The following NRCAM variants were observed in gnomAD, a reference collection of about 807,000 sequenced individuals.
NRCAM encodes NgCAM-related cell adhesion molecule.
NRCAM carries 83 observed loss-of-function variants against 156.5 expected under a neutral mutation model. The observed-to-expected ratio is 0.53, with a 90% CI of 0.44 to 0.64. The LOEUF (loss-of-function observed/expected upper bound fraction) is 0.64. Among genes scored for constraint, NRCAM ranks in the 30% least tolerant of loss-of-function variants. NRCAM has a pLI of 0.00. For synonymous variants in NRCAM, 538 were observed against 563.9 expected (o/e 0.95, Z 0.65); for missense variants, 1,417 against 1,597.3 (o/e 0.89, Z 1.92).
At chr7:108,206,981 G>A (rs2081499273) in intron 13 of NRCAM, among the ~76,000 whole-genome samples, 1 of 152,148 alleles carries the variant, frequency 6.6e-6, no homozygotes, top group Non-Finnish European at 1.5e-5. Flanking sequence ...AAAGCATCCT[G>A]CATACGATCA....
At chr7:108,441,738 G>A (rs1660044129) in intron 1 of NRCAM, among the ~76,000 whole-genome samples, 1 of 152,204 alleles carries the variant, frequency 6.6e-6, no homozygotes, top group South Asian at 2.1e-4. Context: ...GCATAAAGCA[G>A]GGTTGGAAAA....
At chr7:108,153,777 A>G (rs2043154359) in intron 32 of NRCAM, among the ~76,000 whole-genome samples, 2 of 152,198 alleles carry the variant, frequency 1.3e-5, no homozygotes, top group African/African-American at 4.8e-5. Flanking sequence ...AATTCTACTT[A>G]TGTTCTTGCA....
At chr7:108,347,320 G>A (rs1307503936) in intron 2 of NRCAM, among the ~76,000 whole-genome samples, 1 of 152,196 alleles carries the variant, frequency 6.6e-6, no homozygotes, top group Non-Finnish European at 1.5e-5. Flanking sequence ...ATAGGCGTGA[G>A]CCACCGCGCC....
intron 1 of NRCAM, among the ~76,000 whole-genome samples, chr7:108,455,753 G>T (rs959859120): frequency 6.6e-6 from 1 of 152,180 alleles, no homozygotes; most frequent in Non-Finnish European, 1.5e-5. Context: ...ACACGCCCGT[G>T]CGCTCCCGGC....
chr7:108,441,006 G>A (rs2154481064), intron 1 of NRCAM, among the ~76,000 whole-genome samples: 1 of 152,286 alleles, frequency 6.6e-6, no homozygotes. Context: ...TCTCTAAGGG[G>A]ATGCCCGTTA....
At chr7:108,195,734 T>TG in intron 15 of NRCAM, 27 bp downstream of exon 15, 1 of 1,288,994 alleles carries the variant, frequency 7.8e-7, no homozygotes, top group South Asian at 1.2e-5. Context: ...TTTTAAGTAT[T>TG]GAAAAACACA....
At chr7:108,365,852 T>C (rs2099588526) in intron 2 of NRCAM, among the ~76,000 whole-genome samples, 1 of 152,246 alleles carries the variant, frequency 6.6e-6, no homozygotes, top group Non-Finnish European at 1.5e-5. Flanking sequence ...TTGTGCTTTT[T>C]ATTATTGGAT....
Position 108,149,717 on chromosome 7 carries a change from T to G in NRCAM, c.*193A>C. The G allele has an allele frequency of 1.7e-6, 1 of 578,464 alleles. No individual in the cohort carries two copies. The highest frequency in any genetic ancestry group is 2.4e-5 in the South Asian group (1 of 41,586). 35.8% of individuals were successfully genotyped at this position (578,464 alleles called of 1,614,324 possible). A position where few individuals can be genotyped will look rare whatever the true frequency, so the allele number is the denominator to read the frequency against. On this transcript the variant is annotated 3_prime_UTR_variant, in exon 33 of 33. Transcript: ENST00000379028. ...AATACCCATTTTGAATGAAAAAGTA[T>G]GCACTTTGCATTCCAGTTCATATTA... is the stretch of plus-strand genomic sequence containing the variant.
intron 2 of NRCAM, among the ~76,000 whole-genome samples, chr7:108,323,255 T>C (rs1182987940): frequency 1.3e-5 from 2 of 152,250 alleles, no homozygotes; most frequent in Non-Finnish European, 2.9e-5. Flanking sequence ...ATGTATTTCC[T>C]ATTCAATTCC....
intron 17 of NRCAM, among the ~76,000 whole-genome samples, chr7:108,192,440 A>C (rs2072520009): frequency 6.6e-6 from 1 of 152,128 alleles, no homozygotes; most frequent in Non-Finnish European, 1.5e-5. Flanking sequence ...AATAAAGTGC[A>C]CAGTAAATGT....
At chr7:108,166,248 CTT>C (rs1034778488) in intron 30 of NRCAM, among the ~76,000 whole-genome samples, 36 of 130,028 alleles carry the variant, frequency 2.8e-4, no homozygotes, top group South Asian at 4.9e-4. Context: ...TCTTTCTTTT[CTT>C]TTTTTTTTTT....
At chr7:108,271,992 G>T (rs2097370924) in intron 3 of NRCAM, among the ~76,000 whole-genome samples, 2 of 152,136 alleles carry the variant, frequency 1.3e-5, no homozygotes, top group South Asian at 4.1e-4. Context: ...CCTCAAGTAA[G>T]ACTTATGAGC....
At chr7:108,375,500 A>G (rs1355172512) in intron 2 of NRCAM, among the ~76,000 whole-genome samples, 1 of 152,112 alleles carries the variant, frequency 6.6e-6, no homozygotes, top group Non-Finnish European at 1.5e-5. Context: ...ACTACTCAGG[A>G]AAAGCCTGGA....
chr7:108,397,253 A>C (rs898067567), intron 2 of NRCAM, among the ~76,000 whole-genome samples: 1 of 152,208 alleles, frequency 6.6e-6, no homozygotes, highest in Non-Finnish European at 1.5e-5. Flanking sequence ...GTGGACCTTT[A>C]AAGTTCCTGA....
At chr7:108,406,520 C>T (rs1401636274) in intron 1 of NRCAM, among the ~76,000 whole-genome samples, 3 of 152,206 alleles carry the variant, frequency 2.0e-5, no homozygotes, top group Non-Finnish European at 4.4e-5. Context: ...ATGTCTCCTT[C>T]CATGTTGGAG....
At chr7:108,307,411 A>C (rs2154171269) in intron 3 of NRCAM, among the ~76,000 whole-genome samples, 1 of 152,332 alleles carries the variant, frequency 6.6e-6, no homozygotes, top group Middle Eastern at 3.4e-3. Context: ...AAGAAACAAA[A>C]CCCTTTTCAG....
intron 3 of NRCAM, among the ~76,000 whole-genome samples, chr7:108,297,744 CAAAG>C (rs1054653255): frequency 6.6e-6 from 1 of 152,144 alleles, no homozygotes; most frequent in South Asian, 2.1e-4. Flanking sequence ...AAAAATAAAA[CAAAG>C]GAAGGGGTAC....
rs148437725 is a variant in NRCAM at position 108,161,638 on chromosome 7, T to A, written c.3467-1146A>T. 2.0e-4 allele frequency among the ~76,000 whole-genome samples: 31 copies of A among 152,300 alleles called. No homozygotes were observed. The East Asian group carries it at 4.0e-3, about 20-fold the overall frequency. The stretch of plus-strand genomic sequence containing the variant: ...ACACAGTTGAGTTAGGTGTGTGTGA[T>A]CTCTGGATGCAGAAATAAACATGAC... On this transcript the variant is annotated intron_variant, in intron 30 of 32. Coordinates refer to ENST00000379028, the MANE Select transcript of NRCAM (RefSeq NM_001037132.4).
intron 3 of NRCAM, among the ~76,000 whole-genome samples, chr7:108,286,758 C>T (rs1591766615): frequency 6.6e-6 from 1 of 152,116 alleles, no homozygotes; most frequent in African/African-American, 2.4e-5. Context: ...TTCAAAGCCA[C>T]GTCTGTGTTA....
Sources: allele counts gnomAD v4.1 joint callset (sites outside exome capture counted in the v4.1 genomes callset), GRCh38; gene constraint gnomAD v4.1.1; transcripts MANE v1.5; gene names NCBI Gene and HGNC (gene_info 2026-07-23, HGNC 2026-07-21).